The following NCKAP5L variants were observed in gnomAD, a reference collection of about 807,000 sequenced individuals.
The protein encoded by NCKAP5L is NCK associated protein 5 like, also known as nck-associated protein 5-like.
Under a neutral mutation model 103.2 loss-of-function variants are expected in NCKAP5L, and 54 were observed. That is an observed-to-expected ratio of 0.52 (90% CI 0.42 to 0.66). NCKAP5L has a LOEUF of 0.66. NCKAP5L is among the 30% of genes least tolerant of loss of function. The pLI, the probability that NCKAP5L is intolerant of heterozygous loss-of-function variation, is 0.00. For missense variants in NCKAP5L, 1,733 were observed against 1,750.6 expected (o/e 0.99, Z 0.18); for synonymous variants, 762 against 748.6 (o/e 1.02, Z -0.29).
At chr12:49,812,267 G>T (rs139145790) in intron 1 of NCKAP5L, among the ~76,000 whole-genome samples, 2 of 152,238 alleles carry the variant, frequency 1.3e-5, no homozygotes, top group African/African-American at 2.4e-5. Flanking sequence ...CATTTCATGT[G>T]AATTCAATCA....
intron 3 of NCKAP5L, 63 bp from the exon 4 acceptor site, chr12:49,803,228 C>T: frequency 3.2e-6 from 5 of 1,557,116 alleles, no homozygotes; most frequent in Non-Finnish European, 4.4e-6. Context: ...TCCCCCAGGG[C>T]ACATTCCTTT....
Position 49,801,782 on chromosome 12 carries a change from T to TG in NCKAP5L, c.351+65dup, listed in dbSNP as rs1946121035. The TG allele has an allele frequency of 1.9e-6, 3 of 1,593,336 alleles. No homozygotes were observed. The African/African-American group carries it at 4.0e-5, about 21-fold the overall frequency. On this transcript the variant is annotated intron_variant, in intron 6 of 12. Coordinates refer to ENST00000335999, the MANE Select transcript of NCKAP5L (RefSeq NM_001037806.4). ...CTAGGGGCACGTGAGAAGACAGTGA[T>TG]GGGGCCGATGGAGCCGAGGAGGCAG...
chr12:49,823,274 C>T (rs932723407), intron 1 of NCKAP5L, among the ~76,000 whole-genome samples: 1 of 152,046 alleles, frequency 6.6e-6, no homozygotes, highest in African/African-American at 2.4e-5. Flanking sequence ...GGGTAAATGA[C>T]CCTGGAAGTG....
intron 1 of NCKAP5L, among the ~76,000 whole-genome samples, chr12:49,826,373 T>C (rs1435796048): frequency 6.6e-6 from 1 of 152,032 alleles, no homozygotes; most frequent in Non-Finnish European, 1.5e-5. Context: ...ACAGGCGTGA[T>C]GGGTGGGCCA....
In NCKAP5L at chr12:49,792,372, T is replaced by G. The variant is rs750191802; in HGVS notation, c.3792+74A>C. 28 of 1,581,670 alleles carry G rather than the reference T, an allele frequency of 1.8e-5. No homozygotes were observed. Among genetic ancestry groups the G allele is most frequent in the Non-Finnish European group, 1.7e-6 (2 of 1,164,166 alleles). On this transcript the variant is annotated intron_variant, in intron 12 of 12. Coordinates refer to ENST00000335999, the MANE Select transcript of NCKAP5L (RefSeq NM_001037806.4). This position sits in a 1 kb window ranked among gnomAD's most constrained non-coding sequence, Gnocchi z 4.5. ...GTGCGACACACAGGCCGTACCTTAC[T>G]GGAGAAACTGGTCTCCCCACATCAC...
intron 1 of NCKAP5L, among the ~76,000 whole-genome samples, chr12:49,807,742 C>G (rs1946196464): frequency 6.6e-6 from 1 of 152,208 alleles, no homozygotes; most frequent in African/African-American, 2.4e-5. Flanking sequence ...CCACCCTCAC[C>G]CACAACTCTG....
chr12:49,827,454 CT>C (rs1209276993), intron 1 of NCKAP5L, among the ~76,000 whole-genome samples: 1 of 152,258 alleles, frequency 6.6e-6, no homozygotes, highest in Non-Finnish European at 1.5e-5. Context: ...TGAGGGCCCT[CT>C]GTGCCCTTGG....
At chr12:49,804,180 CTG>C in intron 2 of NCKAP5L, 100 bp from the exon 3 acceptor site, 1 of 1,170,024 alleles carries the variant, frequency 8.5e-7, no homozygotes, top group Non-Finnish European at 1.2e-6. Flanking sequence ...ATGCATGACA[CTG>C]TAATAACTCA....
Position 49,792,458 on chromosome 12 carries a change from G to A in NCKAP5L, c.3780C>T (p.Pro1260=), listed in dbSNP as rs1440726543. 3.7e-6 allele frequency: 6 copies of A among 1,613,526 alleles called. No homozygotes were observed. In the South Asian group the frequency reaches 4.4e-5, roughly 12 times the overall value. Reference sequence around the variant, plus strand: ...CTGCAATTCTCACCATGGGGGTCCTGGGCAGCCCCTCCAGTTGTCGGGGTG... The same window carrying A: ...CTGCAATTCTCACCATGGGGGTCCTAGGCAGCCCCTCCAGTTGTCGGGGTG... ...MCPPRQLEGL[P]RTPMALPVDR... The change falls in exon 12 of 13, where the codon CCC becomes CCT. Residue 1260 remains proline (P), a synonymous_variant. Transcript: ENST00000335999. This position sits in a 1 kb window ranked among gnomAD's most constrained non-coding sequence, Gnocchi z 4.5.
chr12:49,800,707 A>G (rs1471791916), intron 6 of NCKAP5L, among the ~76,000 whole-genome samples: 1 of 152,228 alleles, frequency 6.6e-6, no homozygotes, highest in African/African-American at 2.4e-5. Flanking sequence ...TAGGGATCCA[A>G]CCCAAGTTTA....
At chr12:49,825,501 G>C (rs1285896339) in intron 1 of NCKAP5L, among the ~76,000 whole-genome samples, 1 of 152,162 alleles carries the variant, frequency 6.6e-6, no homozygotes, top group Non-Finnish European at 1.5e-5. Context: ...TCCTTCTAAC[G>C]GGGCCTCTGG....
rs1046163700 is a variant in NCKAP5L at position 49,803,029 on chromosome 12, A to AGCTGAC, written c.193-39_193-34dup. On this transcript the variant is annotated intron_variant, in intron 4 of 12. Coordinates refer to ENST00000335999, the MANE Select transcript of NCKAP5L (RefSeq NM_001037806.4). ...CAGAAAGCCCCGAGGCAGAGCCATCAGCTGACCCCAGCTTCTGCCAGGAGC... is the reference window on the plus strand; with the variant it reads ...CAGAAAGCCCCGAGGCAGAGCCATCAGCTGACGCTGACCCCAGCTTCTGCCAGGAGC... The AGCTGAC allele has an allele frequency of 1.9e-6, 3 of 1,614,124 alleles. No homozygotes were observed. The African/African-American group carries it at 4.0e-5, about 22-fold the overall frequency.
chr12:49,807,009 G>A (rs1001056313), intron 1 of NCKAP5L, among the ~76,000 whole-genome samples: 4 of 152,196 alleles, frequency 2.6e-5, no homozygotes, highest in African/African-American at 9.7e-5. Context: ...CGTTCACACA[G>A]AGGCCGACTC....
chr12:49,807,131 C>T (rs929353758), intron 1 of NCKAP5L, among the ~76,000 whole-genome samples: 1 of 152,202 alleles, frequency 6.6e-6, no homozygotes, highest in Non-Finnish European at 1.5e-5. Context: ...TCCTCCCAGC[C>T]GGCCCTCCAG....
At chr12:49,798,521 C>G in intron 6 of NCKAP5L, 58 bp from the exon 7 acceptor site, 2 of 1,403,706 alleles carry the variant, frequency 1.4e-6, no homozygotes, top group Non-Finnish European at 2.0e-6. Context: ...TCCCTACTCC[C>G]TCGCAAAGCC....
rs1946051560 is a variant in NCKAP5L, at chr12:49,796,673, G to A, written c.1187C>T (p.Thr396Ile). 3 of 1,584,788 alleles carry A rather than the reference G, an allele frequency of 1.9e-6. No individual in the cohort carries two copies. The African/African-American group carries it at 4.1e-5, about 21-fold the overall frequency. Residue 396 changes from threonine (T) to isoleucine (I), a missense_variant, in exon 8 of 13, where the codon ACC (threonine) becomes ATC (isoleucine). Coordinates refer to ENST00000335999, the MANE Select transcript of NCKAP5L (RefSeq NM_001037806.4). Reference sequence around the variant, plus strand: ...GGGGAGGGGCCCCTGGCCCTCTGAGGTAGCACCGAAGCCTGGCCTGTGGGC... The same window carrying A: ...GGGGAGGGGCCCCTGGCCCTCTGAGATAGCACCGAAGCCTGGCCTGTGGGC... The part of the protein sequence containing the change: ...PEAHRPGFGA[T>I]SEGQGPLPFL...
intron 8 of NCKAP5L, 61 bp from the exon 9 acceptor site, chr12:49,793,957 T>C: frequency 7.9e-6 from 11 of 1,388,024 alleles, no homozygotes; most frequent in Non-Finnish European, 1.0e-5. Flanking sequence ...ATTCCAGCCT[T>C]GCACCCGCCA....
Position 49,795,739 on chromosome 12 carries a change from G to A in NCKAP5L, c.2121C>T (p.Asp707=), listed in dbSNP as rs1337689876. Residue 707 remains aspartate (D), a synonymous_variant, in exon 8 of 13, where the codon GAC becomes GAT. Transcript: ENST00000335999. ...GPGKSGESAG[D]MVPSIHRPLE... is the part of the protein sequence containing the mutation. ...GTGGCCTGTGGATGGAGGGCACCATGTCTCCAGCACTCTCCCCTGACTTCC... is the reference window on the plus strand; with the variant it reads ...GTGGCCTGTGGATGGAGGGCACCATATCTCCAGCACTCTCCCCTGACTTCC... 2.1e-5 allele frequency: 33 copies of A among 1,603,184 alleles called. No individual in the cohort carries two copies. The highest frequency in any genetic ancestry group is 2.4e-5 in the Non-Finnish European group (28 of 1,175,258).
intron 2 of NCKAP5L, chr12:49,804,898 T>G (rs1946162600): frequency 6.6e-6 from 1 of 152,328 alleles, no homozygotes; most frequent in Non-Finnish European, 1.5e-5. Context: ...GCTCCAGTGC[T>G]CACTTGCTGG....
Sources: allele counts gnomAD v4.1 joint callset (sites outside exome capture counted in the v4.1 genomes callset), GRCh38; gene constraint gnomAD v4.1.1; non-coding constraint Gnocchi (gnomAD v3.1); transcripts MANE v1.5; gene names NCBI Gene and HGNC (gene_info 2026-07-23, HGNC 2026-07-21).